INPP5F: variants seen among roughly 807,000 people sequenced by gnomAD.
INPP5F encodes the protein inositol polyphosphate-5-phosphatase F.
A neutral mutation model predicts 137.2 loss-of-function variants in INPP5F; 97 were observed. That is an observed-to-expected ratio of 0.71 (90% CI 0.60 to 0.84). The LOEUF (loss-of-function observed/expected upper bound fraction) is 0.84. Ranked by LOEUF, INPP5F falls within the 40% of genes least tolerant of loss-of-function variation. INPP5F has a pLI of 0.00. For missense variants in INPP5F, 1,271 were observed against 1,371.9 expected (o/e 0.93, Z 1.16); for synonymous variants, 504 against 476.9 (o/e 1.06, Z -0.74).
chr10:119,726,334 C>T lies in INPP5F; in HGVS notation c.72C>T (p.Arg24=). The part of the protein sequence containing the change: ...QGERALWCSR[R]DGGLQLRPAT... The stretch of plus-strand genomic sequence containing the variant: ...AGCGCGCGCTGTGGTGCAGCCGCCG[C>T]GACGGCGGCCTCCAGCTCCGACCCG... Residue 24 remains arginine (R), a synonymous_variant, in exon 1 of 20, where the codon CGC becomes CGT. Coordinates refer to ENST00000650623, the MANE Select transcript of INPP5F (RefSeq NM_014937.4). 2 of 1,465,502 alleles carry T rather than the reference C, an allele frequency of 1.4e-6. No individual in the cohort carries two copies. The highest frequency in any genetic ancestry group is 6.2e-5 in the East Asian group (2 of 32,426). 90.8% of individuals were successfully genotyped at this position (1,465,502 alleles called of 1,614,324 possible). A position where few individuals can be genotyped will look rare whatever the true frequency, so the allele number is the denominator to read the frequency against.
chr10:119,749,798 A>G (rs147685488), intron 1 of INPP5F, among the ~76,000 whole-genome samples: 299 of 152,346 alleles, frequency 2.0e-3, no homozygotes, highest in African/African-American at 7.0e-3. Context: ...TTCTTGCAAT[A>G]AAAACAGTAT....
chr10:119,819,806 G>C, intron 15 of INPP5F: 1 of 307,180 alleles, frequency 3.3e-6, no homozygotes, highest in Non-Finnish European at 5.9e-6. Flanking sequence ...AGGTGTCTCT[G>C]ATGTAAAAAA....
At chr10:119,764,542 C>T (rs1002746601) in intron 2 of INPP5F, among the ~76,000 whole-genome samples, 1 of 151,898 alleles carries the variant, frequency 6.6e-6, no homozygotes, top group African/African-American at 2.4e-5. Flanking sequence ...CCCACTTCCA[C>T]TTAATGAGTA....
chr10:119,797,064 G>T, intron 7 of INPP5F, 151 bp downstream of exon 7: 1 of 765,156 alleles, frequency 1.3e-6, no homozygotes, highest in Non-Finnish European at 2.2e-6. Flanking sequence ...TGTAATTGGG[G>T]ACAAATTTTT....
chr10:119,736,381 G>A (rs1262200535), intron 1 of INPP5F, among the ~76,000 whole-genome samples: 1 of 152,106 alleles, frequency 6.6e-6, no homozygotes, highest in Non-Finnish European at 1.5e-5. Flanking sequence ...GGCCAGGTTA[G>A]TCTTGAACTT....
intron 2 of INPP5F, among the ~76,000 whole-genome samples, chr10:119,780,543 CT>C (rs1849667340): frequency 6.6e-6 from 1 of 152,170 alleles, no homozygotes; most frequent in Admixed American, 6.5e-5. Flanking sequence ...CACCACTGCA[CT>C]TTAGCCTGGG....
intron 19 of INPP5F, 67 bp downstream of exon 19, chr10:119,823,969 T>C: frequency 8.2e-7 from 1 of 1,226,178 alleles, no homozygotes; most frequent in Non-Finnish European, 1.2e-6. Context: ...TTAAAATTAT[T>C]TGCAGGGGGA....
intron 9 of INPP5F, 105 bp downstream of exon 9, chr10:119,798,715 G>A (rs1201803541): frequency 1.9e-6 from 1 of 538,632 alleles, no homozygotes; most frequent in African/African-American, 2.0e-5. Flanking sequence ...TAAAGCATTT[G>A]TCATGAAGTT....
intron 2 of INPP5F, among the ~76,000 whole-genome samples, chr10:119,764,611 C>G (rs1161767192): frequency 6.7e-6 from 1 of 150,092 alleles, no homozygotes; most frequent in Non-Finnish European, 1.5e-5. Context: ...GATGGAGTTC[C>G]GCTGTTGTTG....
rs537910040 is a variant in INPP5F, at chr10:119,824,875, T to G, written c.2249+973T>G. 6.6e-5 allele frequency among the ~76,000 whole-genome samples: 10 copies of G among 152,338 alleles called. No homozygotes were observed. The South Asian group carries it at 2.1e-3, about 32-fold the overall frequency. ...CCTATACAGATTAATAACCTTTTAT[T>G]GCCAAAGATTGTATTTTATGCATTT... On this transcript the variant is annotated intron_variant, in intron 19 of 19. Coordinates refer to ENST00000650623, the MANE Select transcript of INPP5F (RefSeq NM_014937.4).
intron 15 of INPP5F, chr10:119,819,465 G>C: frequency 6.3e-7 from 1 of 1,588,302 alleles, no homozygotes; most frequent in Non-Finnish European, 8.6e-7. Flanking sequence ...ATTAGTAGTA[G>C]AATTTATTTC....
intron 2 of INPP5F, among the ~76,000 whole-genome samples, chr10:119,763,777 C>G (rs1321152964): frequency 1.3e-5 from 2 of 152,204 alleles, no homozygotes; most frequent in Admixed American, 6.5e-5. Flanking sequence ...AGTCATAGCT[C>G]TCTTCTCGCA....
intron 2 of INPP5F, 75 bp downstream of exon 2, chr10:119,751,231 A>T: frequency 1.1e-6 from 1 of 904,192 alleles, no homozygotes. Flanking sequence ...TTGAGGATAC[A>T]TGAGATTCTC....
At chr10:119,795,277 C>A (rs373036860) in intron 6 of INPP5F, among the ~76,000 whole-genome samples, 1 of 151,584 alleles carries the variant, frequency 6.6e-6, no homozygotes, top group Admixed American at 6.5e-5. Flanking sequence ...ACCTCCCTCG[C>A]GGACGAGGTG....
rs574660259 is a variant in INPP5F at position 119,800,551 on chromosome 10, A to G, written c.1116+1941A>G. Among the ~76,000 whole-genome samples, 20 of 143,154 alleles carry G rather than the reference A, an allele frequency of 1.4e-4. No homozygotes were observed. In the East Asian group the frequency reaches 3.1e-3, roughly 22 times the overall value. The allele number at this position is 143,154 out of a possible 152,430, so 93.9% of individuals were successfully genotyped here. ...CTCCTGGACGACAGAGTGAGATTCCATCTCAAAAAAAAAAAACAAAAACCA... is the reference window on the plus strand; with the variant it reads ...CTCCTGGACGACAGAGTGAGATTCCGTCTCAAAAAAAAAAAACAAAAACCA... On this transcript the variant is annotated intron_variant, in intron 9 of 19. Transcript: ENST00000650623.
In INPP5F at chr10:119,827,625, G is replaced by A; in HGVS notation, c.3244G>A (p.Ala1082Thr). 1 of 1,614,160 alleles carries A rather than the reference G, an allele frequency of 6.2e-7. No homozygotes were observed. The highest frequency in any genetic ancestry group is 8.5e-7 in the Non-Finnish European group (1 of 1,180,028). The stretch of plus-strand genomic sequence containing the variant: ...GATTCGAAGTTCCATGGTCCAGGTT[G>A]CTAGTATTACCCAAGCTGGATTAAC... ...AKIRSSMVQV[A>T]SITQAGLTHG... The change falls in exon 20 of 20, where the codon GCT (alanine) becomes ACT (threonine). Residue 1082 changes from alanine (A) to threonine (T), a missense_variant. Coordinates refer to ENST00000650623, the MANE Select transcript of INPP5F (RefSeq NM_014937.4).
rs1482695514 is a variant in INPP5F at position 119,827,503 on chromosome 10, C to T, written c.3122C>T (p.Thr1041Ile). 1 of 1,614,190 alleles carries T rather than the reference C, an allele frequency of 6.2e-7. No homozygotes were observed. The highest frequency in any genetic ancestry group is 2.2e-5 in the East Asian group (1 of 44,886). Residue 1041 changes from threonine to isoleucine, a missense_variant, in exon 20 of 20, where the codon ACC becomes ATC. By Grantham distance (89) the Thr-to-Ile change is moderately conservative. Around this residue, in one of 6 missense-constraint regions of INPP5F, gnomAD observed 490 missense variants for 443.7 expected, o/e 1.10. Coordinates refer to ENST00000650623, the MANE Select transcript of INPP5F (RefSeq NM_014937.4). ...AHSVASQKTP[T>I]SASSMLELET... ...TCAGTTGCATCTCAAAAAACCCCCA[C>T]CTCCGCTTCCAGCATGCTTGAACTT...
intron 1 of INPP5F, among the ~76,000 whole-genome samples, chr10:119,730,137 T>C (rs539609170): frequency 5.9e-5 from 9 of 152,210 alleles, no homozygotes; most frequent in Admixed American, 5.2e-4. Flanking sequence ...GAGACAGAGT[T>C]TTGCTCTTGT....
At chr10:119,818,766 G>C (rs945821190) in intron 15 of INPP5F, 7 of 152,312 alleles carry the variant, frequency 4.6e-5, no homozygotes, top group Non-Finnish European at 8.8e-5. Context: ...GCAGCTGTTT[G>C]AGCCTCGAGG....
Sources: allele counts gnomAD v4.1 joint callset (sites outside exome capture counted in the v4.1 genomes callset), GRCh38; gene constraint gnomAD v4.1.1; regional missense constraint gnomAD v4.1.1; transcripts MANE v1.5; gene names NCBI Gene and HGNC (gene_info 2026-07-23, HGNC 2026-07-21).